TMEM218: variants seen among roughly 807,000 people sequenced by gnomAD.
TMEM218 encodes the protein transmembrane protein 218.
A neutral mutation model predicts 10.0 loss-of-function variants in TMEM218; 8 were observed. That is an observed-to-expected ratio of 0.80 (90% CI 0.47 to 1.44). The LOEUF (loss-of-function observed/expected upper bound fraction) is 1.44, where lower values mean the gene tolerates loss of function less well. Among genes scored for constraint, TMEM218 ranks in the 40% most tolerant of loss-of-function variants. The pLI is 0.00. For synonymous variants in TMEM218, 66 were observed against 63.5 expected (o/e 1.04, Z -0.18); for missense variants, 110 against 140.1 (o/e 0.79, Z 1.08).
chr11:125,103,702 A>G (rs981792165), intron 1 of TMEM218: 4 of 152,200 alleles, frequency 2.6e-5, no homozygotes, highest in Non-Finnish European at 5.9e-5. Flanking sequence ...ATGCGGACAT[A>G]TATTTTTGGG....
chr11:125,106,147 A>G (rs1952085684), intron 1 of TMEM218, among the ~76,000 whole-genome samples: 1 of 152,194 alleles, frequency 6.6e-6, no homozygotes, highest in African/African-American at 2.4e-5. Context: ...CTGTTTCACA[A>G]CACTGTGAAT....
At chr11:125,098,912 G>A (rs908565594) in intron 4 of TMEM218, among the ~76,000 whole-genome samples, 1 of 152,086 alleles carries the variant, frequency 6.6e-6, no homozygotes. Flanking sequence ...CAAGGAATAC[G>A]AGCAGCCTCT....
chr11:125,101,063 C>T (rs1950644663), intron 4 of TMEM218, 138 bp downstream of exon 4: 4 of 642,322 alleles, frequency 6.2e-6, no homozygotes, highest in Non-Finnish European at 1.1e-5. Context: ...TCTGAACTTT[C>T]CCCGTCATTG....
At position 125,097,744 on chromosome 11, in the gene TMEM218, G is replaced by A; in HGVS notation, c.214-4C>T. The A allele has an allele frequency of 6.2e-7, 1 of 1,612,812 alleles. No individual in the cohort carries two copies. The highest frequency in any genetic ancestry group is 1.1e-5 in the South Asian group (1 of 90,838). Reference sequence around the variant, plus strand: ...CAATGAAAAAGTCATCCACAATCTGGAGAAAGAAAACATCAAAATGAAATT... The same window carrying A: ...CAATGAAAAAGTCATCCACAATCTGAAGAAAGAAAACATCAAAATGAAATT... On this transcript the variant is annotated splice_region_variant and splice_polypyrimidine_tract_variant and intron_variant, in intron 4 of 4. Coordinates refer to ENST00000682305, the MANE Select transcript of TMEM218 (RefSeq NM_001258244.2).
chr11:125,107,994 AT>A (rs1442330009), intron 1 of TMEM218, among the ~76,000 whole-genome samples: 1 of 152,054 alleles, frequency 6.6e-6, no homozygotes, highest in African/African-American at 2.4e-5. Context: ...AAAAATCTCA[AT>A]TTTCCTTAAC....
chr11:125,109,542 T>A (rs1953180241), intron 1 of TMEM218, among the ~76,000 whole-genome samples: 1 of 152,224 alleles, frequency 6.6e-6, no homozygotes, highest in Admixed American at 6.5e-5. Flanking sequence ...CTACCCAATG[T>A]ACTATTTTCT....
At chr11:125,103,006 T>G in intron 1 of TMEM218, 197 bp from the exon 2 acceptor site, 2 of 242,658 alleles carry the variant, frequency 8.2e-6, no homozygotes, top group South Asian at 5.3e-5. Flanking sequence ...AAATAGAAAT[T>G]TATTTTCTCA....
chr11:125,098,026 G>A (rs530416010), intron 4 of TMEM218, among the ~76,000 whole-genome samples: 1 of 152,312 alleles, frequency 6.6e-6, no homozygotes, highest in South Asian at 2.1e-4. Flanking sequence ...TCTGAAATCT[G>A]TTACCTGAAA....
chr11:125,101,505 T>C (rs747697636), intron 3 of TMEM218: 7 of 1,519,440 alleles, frequency 4.6e-6, no homozygotes, highest in Middle Eastern at 1.7e-4. Context: ...CCATTTATTC[T>C]TGGTAATTCC....
intron 1 of TMEM218, among the ~76,000 whole-genome samples, chr11:125,111,315 T>C (rs1328854555): frequency 6.6e-6 from 1 of 152,174 alleles, no homozygotes; most frequent in African/African-American, 2.4e-5. Flanking sequence ...TCATAAGAGA[T>C]CTGAATCAGG....
intron 1 of TMEM218, among the ~76,000 whole-genome samples, chr11:125,106,632 A>C (rs947083003): frequency 5.3e-5 from 8 of 152,250 alleles, no homozygotes; most frequent in African/African-American, 1.9e-4. Flanking sequence ...AACCAAATTC[A>C]GTGCCTTCAT....
chr11:125,103,573 G>A (rs1016145435), intron 1 of TMEM218: 1 of 152,246 alleles, frequency 6.6e-6, no homozygotes, highest in South Asian at 2.1e-4. Context: ...AACGGTACTT[G>A]TCATTGGATT....
chr11:125,101,167 A>G lies in TMEM218; in HGVS notation c.213+34T>C, dbSNP rs78488446. 5,910 of 1,569,344 alleles carry G rather than the reference A, an allele frequency of 3.8e-3. 180 individuals are homozygous for G. In the African/African-American group the frequency reaches 0.067, roughly 18 times the overall value. ...GCAGACCAAGAGAAATAAGAATCAC[A>G]GCTCAGGAGGCAAAACGAAAGCAAC... is the stretch of plus-strand genomic sequence containing the variant. On this transcript the variant is annotated intron_variant, in intron 4 of 4. Coordinates refer to ENST00000682305, the MANE Select transcript of TMEM218 (RefSeq NM_001258244.2).
intron 4 of TMEM218, among the ~76,000 whole-genome samples, chr11:125,098,669 G>A (rs10893322): frequency 0.23 from 35,558 of 152,148 alleles, 4,378 homozygotes; most frequent in South Asian, 0.33. Context: ...CCCAGAAATT[G>A]TGAATATGTT....
At chr11:125,101,813 G>A in intron 3 of TMEM218, 3 of 475,656 alleles carry the variant, frequency 6.3e-6, no homozygotes, top group Non-Finnish European at 1.1e-5. Context: ...TAGAGCCTCG[G>A]GTACTGGACC....
At chr11:125,100,941 G>A (rs1057273345) in intron 4 of TMEM218, among the ~76,000 whole-genome samples, 1 of 152,172 alleles carries the variant, frequency 6.6e-6, no homozygotes, top group Non-Finnish European at 1.5e-5. Flanking sequence ...TCAACTTGAT[G>A]CAAACTGAAG....
intron 1 of TMEM218, chr11:125,103,344 C>T (rs1332828137): frequency 1.3e-5 from 2 of 152,496 alleles, no homozygotes; most frequent in Admixed American, 6.5e-5. Flanking sequence ...GGAAACCACC[C>T]CCCTGCATCC....
At position 125,097,562 on chromosome 11, in the gene TMEM218, T is replaced by A. The variant is rs763505897; in HGVS notation, c.*44A>T. On this transcript the variant is annotated 3_prime_UTR_variant, in exon 5 of 5. Transcript: ENST00000682305. ...AGTGCCTTCCTGCTCATCAATGTCA[T>A]CACAATGAAGGAGAGAACAGGTTTT... 2 of 1,603,094 alleles carry A rather than the reference T, an allele frequency of 1.2e-6. No individual in the cohort carries two copies. Among genetic ancestry groups the A allele is most frequent in the Admixed American group, 3.4e-5 (2 of 59,158 alleles).
chr11:125,098,050 G>A (rs1330817573), intron 4 of TMEM218, among the ~76,000 whole-genome samples: 1 of 152,196 alleles, frequency 6.6e-6, no homozygotes, highest in Non-Finnish European at 1.5e-5. Context: ...TTAATGAGAA[G>A]CTTTTGCATG....
Sources: gnomAD v4.1 joint callset for allele counts (sites outside exome capture counted in the v4.1 genomes callset) on GRCh38, gnomAD v4.1.1 for gene constraint, MANE v1.5 for transcripts, NCBI Gene and HGNC (gene_info 2026-07-23, HGNC 2026-07-21) for gene names.